The following STPG2 variants were observed in gnomAD, a reference collection of about 807,000 sequenced individuals.
STPG2 encodes sperm tail PG-rich repeat containing 2, also known as sperm-tail PG-rich repeat-containing protein 2.
Under a neutral mutation model 54.2 loss-of-function variants are expected in STPG2, and 56 were observed. That is an observed-to-expected ratio of 1.03 (90% confidence interval 0.83 to 1.29). STPG2 has a LOEUF of 1.29. Ranked by LOEUF, STPG2 falls within the 50% of genes most tolerant of loss-of-function variation. The probability of loss-of-function intolerance (pLI) is 0.00; values close to 1 mark genes in which losing one functional copy is unlikely to be tolerated. For synonymous variants in STPG2, 200 were observed against 181.8 expected (o/e 1.10, Z -0.81); for missense variants, 596 against 544.9 (o/e 1.09, Z -0.93).
intron 7 of STPG2, among the ~76,000 whole-genome samples, chr4:97,944,670 T>G (rs1010838012): frequency 3.9e-5 from 6 of 152,144 alleles, no homozygotes; most frequent in African/African-American, 1.4e-4. Flanking sequence ...TTTTACACAT[T>G]TTACTGTTTT....
intron 8 of STPG2, among the ~76,000 whole-genome samples, chr4:97,841,931 G>A (rs1431648922): frequency 6.6e-6 from 1 of 151,748 alleles, no homozygotes; most frequent in Non-Finnish European, 1.5e-5. Flanking sequence ...TACTATTCTA[G>A]AAAAGCTAAT....
intron 4 of STPG2, among the ~76,000 whole-genome samples, chr4:97,524,362 T>C (rs1731239725): frequency 6.6e-6 from 1 of 151,942 alleles, no homozygotes; most frequent in South Asian, 2.1e-4. Context: ...GCAGAGTAAA[T>C]AAACAAAAAG....
chr4:97,568,488 G>C (rs1270456820), intron 10 of STPG2, among the ~76,000 whole-genome samples: 4 of 152,092 alleles, frequency 2.6e-5, no homozygotes, highest in Admixed American at 6.6e-5. Context: ...ATATGTGTGT[G>C]TGTGTCTCTC....
chr4:97,653,041 A>C (rs2148954911), intron 10 of STPG2, among the ~76,000 whole-genome samples: 1 of 152,116 alleles, frequency 6.6e-6, no homozygotes, highest in African/African-American at 2.4e-5. Context: ...AGACCTTAGT[A>C]ATAAGGTAAC....
intron 10 of STPG2, among the ~76,000 whole-genome samples, chr4:97,594,489 T>C (rs1006279472): frequency 2.6e-5 from 4 of 152,020 alleles, no homozygotes; most frequent in African/African-American, 9.7e-5. Flanking sequence ...CTGGCAAATA[T>C]AGGACTAGGT....
chr4:97,691,048 G>C (rs1723346988), intron 10 of STPG2, among the ~76,000 whole-genome samples: 2 of 152,174 alleles, frequency 1.3e-5, no homozygotes, highest in South Asian at 4.1e-4. Flanking sequence ...TTAGGAGGCA[G>C]GACTAACTTG....
chr4:97,799,516 T>A (rs1371709682), intron 9 of STPG2, among the ~76,000 whole-genome samples: 1 of 152,226 alleles, frequency 6.6e-6, no homozygotes, highest in Non-Finnish European at 1.5e-5. Context: ...TGGCCCCCAC[T>A]CTCTTCTGGC....
At chr4:98,005,259 C>T (rs1735541169) in intron 5 of STPG2, among the ~76,000 whole-genome samples, 1 of 152,132 alleles carries the variant, frequency 6.6e-6, no homozygotes, top group Non-Finnish European at 1.5e-5. Flanking sequence ...GGTGGGTCTG[C>T]CTCTCCTAGT....
intron 10 of STPG2, among the ~76,000 whole-genome samples, chr4:97,566,814 T>C (rs1732461714): frequency 6.9e-6 from 1 of 144,464 alleles, no homozygotes; most frequent in Non-Finnish European, 1.5e-5. Flanking sequence ...TTCTCACTCA[T>C]AGGTAGGAAC....
chr4:98,037,018 T>A (rs1736799951), intron 5 of STPG2, among the ~76,000 whole-genome samples: 1 of 152,046 alleles, frequency 6.6e-6, no homozygotes, highest in Admixed American at 6.6e-5. Flanking sequence ...AATAAATCAA[T>A]GTCGATTAAA....
intron 7 of STPG2, among the ~76,000 whole-genome samples, chr4:97,966,670 A>T (rs1734110349): frequency 6.6e-6 from 1 of 152,206 alleles, no homozygotes; most frequent in African/African-American, 2.4e-5. Context: ...CTAACAGCGG[A>T]TCTCTCAGCA....
chr4:97,779,444 T>G (rs1726518933), intron 9 of STPG2, among the ~76,000 whole-genome samples: 1 of 149,884 alleles, frequency 6.7e-6, no homozygotes, highest in African/African-American at 2.5e-5. Flanking sequence ...ATAGACCAAA[T>G]CTATATCTGA....
intron 10 of STPG2, among the ~76,000 whole-genome samples, chr4:97,571,719 C>G (rs1233668472): frequency 6.6e-6 from 1 of 152,116 alleles, no homozygotes; most frequent in African/African-American, 2.4e-5. Flanking sequence ...TATCATGCCT[C>G]CCTAAAATGT....
chr4:97,553,714 T>C (rs976531347), intron 4 of STPG2, among the ~76,000 whole-genome samples: 4 of 152,254 alleles, frequency 2.6e-5, no homozygotes, highest in Admixed American at 6.5e-5. Flanking sequence ...CTCAACTTGG[T>C]AAGACTATTT....
intron 10 of STPG2, among the ~76,000 whole-genome samples, chr4:97,621,471 A>G (rs553649642): frequency 5.9e-5 from 9 of 152,290 alleles, no homozygotes; most frequent in African/African-American, 2.2e-4. Flanking sequence ...CCACAGACAT[A>G]CAAGAACGCT....
intron 10 of STPG2, among the ~76,000 whole-genome samples, chr4:97,697,945 C>T (rs894975064): frequency 2.0e-5 from 3 of 152,182 alleles, no homozygotes; most frequent in Admixed American, 2.0e-4. Context: ...TCTATAGAAA[C>T]AATGCTTATC....
chr4:98,047,407 A>T (rs1560653738), intron 5 of STPG2, among the ~76,000 whole-genome samples: 1 of 149,184 alleles, frequency 6.7e-6, no homozygotes, highest in East Asian at 2.1e-4. Flanking sequence ...CAAGTTAGAA[A>T]CCTGACCCAC....
At chr4:97,951,370 C>A (rs1427259015) in intron 7 of STPG2, among the ~76,000 whole-genome samples, 1 of 152,104 alleles carries the variant, frequency 6.6e-6, no homozygotes, top group Non-Finnish European at 1.5e-5. Context: ...ACTAGTGTGA[C>A]CTTTGGGTGT....
intron 8 of STPG2, among the ~76,000 whole-genome samples, chr4:97,920,270 C>T (rs78112576): frequency 0.021 from 3,127 of 152,242 alleles, 108 homozygotes; most frequent in African/African-American, 0.07. Flanking sequence ...CTCACTATTT[C>T]GCCTTGTCAC....
Sources: allele counts gnomAD v4.1 joint callset (sites outside exome capture counted in the v4.1 genomes callset), GRCh38; gene constraint gnomAD v4.1.1; transcripts MANE v1.5; gene names NCBI Gene and HGNC (gene_info 2026-07-23, HGNC 2026-07-21).